The following RBFOX1 variants were observed in gnomAD, a reference collection of about 807,000 sequenced individuals.
RBFOX1 encodes the protein RNA binding fox-1 homolog 1.
RBFOX1 carries 8 observed loss-of-function variants against 57.7 expected under a neutral mutation model. That is an observed-to-expected ratio of 0.14 (90% CI 0.08 to 0.25). The LOEUF is 0.25. RBFOX1 is among the 10% of genes least tolerant of loss of function. RBFOX1 has a pLI of 1.00. For synonymous variants in RBFOX1, 326 were observed against 222.4 expected, an observed-to-expected ratio of 1.47 and a Z score of -4.15; for missense variants, 611 against 548.5, an observed-to-expected ratio of 1.11 and a Z score of -1.14.
At chr16:7,460,512 A>G (rs1243684007) in intron 4 of RBFOX1, among the ~76,000 whole-genome samples, 3 of 147,028 alleles carry the variant, frequency 2.0e-5, no homozygotes, top group Non-Finnish European at 3.0e-5. Flanking sequence ...ATACATATAT[A>G]TATCTAATAT....
At chr16:5,439,901 G>A (rs994375353) in intron 1 of RBFOX1, among the ~76,000 whole-genome samples, 2 of 152,208 alleles carry the variant, frequency 1.3e-5, no homozygotes, top group Admixed American at 1.3e-4. Context: ...TTTAGAATTT[G>A]TAAGATCTGA....
At chr16:7,630,713 T>C in intron 11 of RBFOX1, 30 bp downstream of exon 11, 1 of 1,613,564 alleles carries the variant, frequency 6.2e-7, no homozygotes, top group Non-Finnish European at 8.5e-7. Flanking sequence ...TCTTTTTGTT[T>C]TGTGACATAA....
intron 1 of RBFOX1, among the ~76,000 whole-genome samples, chr16:5,313,474 T>G (rs1237895711): frequency 6.6e-6 from 1 of 152,172 alleles, no homozygotes; most frequent in Non-Finnish European, 1.5e-5. Context: ...ATGACCTCCT[T>G]AATCTGGGAC....
intron 3 of RBFOX1, among the ~76,000 whole-genome samples, chr16:6,975,717 G>C (rs970381515): frequency 2.0e-5 from 3 of 152,158 alleles, no homozygotes; most frequent in Non-Finnish European, 4.4e-5. Context: ...GATTAGCACT[G>C]CTCATATGCT....
intron 2 of RBFOX1, among the ~76,000 whole-genome samples, chr16:5,476,130 C>T (rs942495636): frequency 2.4e-4 from 37 of 152,154 alleles, no homozygotes; most frequent in Admixed American, 3.3e-4. Context: ...GCACCACTCA[C>T]GTTTTAATGC....
chr16:7,389,827 A>C (rs1483439798), intron 4 of RBFOX1, among the ~76,000 whole-genome samples: 1 of 152,172 alleles, frequency 6.6e-6, no homozygotes, highest in Non-Finnish European at 1.5e-5. Flanking sequence ...ATATGCATAC[A>C]ATCTTTATGG....
chr16:5,761,754 G>T (rs540460424), intron 3 of RBFOX1, among the ~76,000 whole-genome samples: 2 of 152,282 alleles, frequency 1.3e-5, no homozygotes, highest in Admixed American at 1.3e-4. Flanking sequence ...AACTCTATCA[G>T]GCTCTTTGGC....
At chr16:5,767,954 A>G (rs1465288073) in intron 3 of RBFOX1, among the ~76,000 whole-genome samples, 4 of 151,972 alleles carry the variant, frequency 2.6e-5, no homozygotes, top group Non-Finnish European at 5.9e-5. Context: ...GACAAAAAAA[A>G]TGTATATATT....
At chr16:5,883,616 C>T (rs896559741) in intron 4 of RBFOX1, among the ~76,000 whole-genome samples, 1 of 152,078 alleles carries the variant, frequency 6.6e-6, no homozygotes, top group Admixed American at 6.5e-5. Flanking sequence ...AGGCTGTTGG[C>T]CCAAGGCTGA....
intron 3 of RBFOX1, among the ~76,000 whole-genome samples, chr16:5,856,210 T>C (rs1300765103): frequency 1.0e-3 from 36 of 35,310 alleles, no homozygotes; most frequent in South Asian, 1.8e-3. Context: ...TATATATACA[T>C]ATATATGTAT....
intron 4 of RBFOX1, among the ~76,000 whole-genome samples, chr16:7,357,977 C>T (rs1568392560): frequency 5.3e-5 from 8 of 152,100 alleles, no homozygotes; most frequent in Admixed American, 3.9e-4. Context: ...TTACTTTCAT[C>T]TGCCTGAGAA....
At chr16:7,554,748 TTTC>T (rs1438526725) in intron 5 of RBFOX1, among the ~76,000 whole-genome samples, 16 of 152,304 alleles carry the variant, frequency 1.1e-4, no homozygotes, top group Admixed American at 8.5e-4. Context: ...GCACTCTTTT[TTTC>T]TTCTTCTTCT....
chr16:7,458,201 G>A (rs187975774), intron 4 of RBFOX1, among the ~76,000 whole-genome samples: 76 of 152,232 alleles, frequency 5.0e-4, no homozygotes, highest in Non-Finnish European at 6.8e-4. Flanking sequence ...TACAAAGACA[G>A]GGACCTTGTC....
chr16:6,527,758 C>T (rs1420992311), intron 2 of RBFOX1, among the ~76,000 whole-genome samples: 9 of 152,052 alleles, frequency 5.9e-5, no homozygotes, highest in African/African-American at 2.2e-4. Flanking sequence ...TTGTCTCTCA[C>T]CTTGTGGGCG....
intron 2 of RBFOX1, among the ~76,000 whole-genome samples, chr16:6,329,371 A>G (rs970144585): frequency 1.3e-5 from 2 of 152,230 alleles, no homozygotes; most frequent in Admixed American, 6.5e-5. Context: ...AAGAGGATAC[A>G]TAGATTTCTT....
At chr16:6,457,733 C>A (rs1054261866) in intron 2 of RBFOX1, among the ~76,000 whole-genome samples, 3 of 152,128 alleles carry the variant, frequency 2.0e-5, no homozygotes, top group African/African-American at 7.2e-5. Flanking sequence ...ATGTGGACCC[C>A]GGTGATTTGC....
chr16:6,085,319 C>A (rs1396193022), intron 1 of RBFOX1, among the ~76,000 whole-genome samples: 1 of 152,226 alleles, frequency 6.6e-6, no homozygotes, highest in East Asian at 1.9e-4. Flanking sequence ...GTTGCCCAGG[C>A]TGAAGTGCAG....
intron 4 of RBFOX1, among the ~76,000 whole-genome samples, chr16:7,513,815 C>G (rs574523679): frequency 6.6e-6 from 1 of 152,278 alleles, no homozygotes; most frequent in African/African-American, 2.4e-5. Flanking sequence ...CATAAGCCCA[C>G]TTATGCAGAT....
intron 3 of RBFOX1, among the ~76,000 whole-genome samples, chr16:5,636,653 A>C (rs948606521): frequency 6.6e-6 from 1 of 152,200 alleles, no homozygotes; most frequent in Non-Finnish European, 1.5e-5. Flanking sequence ...ACTCGTAGGA[A>C]TATGAATCTA....
Sources: allele counts gnomAD v4.1 joint callset (sites outside exome capture counted in the v4.1 genomes callset), GRCh38; gene constraint gnomAD v4.1.1; transcripts MANE v1.5; gene names NCBI Gene and HGNC (gene_info 2026-07-23, HGNC 2026-07-21).